HPSE2: variants seen among roughly 807,000 people sequenced by gnomAD.
The protein encoded by HPSE2 is heparanase 2 (inactive).
In HPSE2, 38 loss-of-function variants were observed where a neutral mutation model predicts 60.5. That is an observed-to-expected ratio of 0.63 (90% CI 0.48 to 0.82). The LOEUF (loss-of-function observed/expected upper bound fraction) is 0.82, where lower values mean the gene tolerates loss of function less well. Among genes scored for constraint, HPSE2 ranks in the 40% least tolerant of loss-of-function variants. The pLI is 0.00. For synonymous variants in HPSE2, 295 were observed against 293.2 expected, an observed-to-expected ratio of 1.01 and a Z score of -0.06; for missense variants, 713 against 740.4, an observed-to-expected ratio of 0.96 and a Z score of 0.43.
chr10:98,870,567 G>A (rs1481840998), intron 3 of HPSE2, among the ~76,000 whole-genome samples: 1 of 152,108 alleles, frequency 6.6e-6, no homozygotes, highest in African/African-American at 2.4e-5. Flanking sequence ...TTGAAAACTG[G>A]ATAGGAAAGC....
At chr10:98,913,065 T>C (rs1003549673) in intron 3 of HPSE2, among the ~76,000 whole-genome samples, 2 of 152,164 alleles carry the variant, frequency 1.3e-5, no homozygotes, top group South Asian at 4.1e-4. Context: ...ATACCTGCTA[T>C]GTAGGCACAA....
chr10:98,922,494 G>A (rs1254349383), intron 3 of HPSE2, among the ~76,000 whole-genome samples: 1 of 152,134 alleles, frequency 6.6e-6, no homozygotes, highest in Non-Finnish European at 1.5e-5. Context: ...TAATGCATTG[G>A]AAGGTAACGC....
At position 98,943,259 on chromosome 10, in the gene HPSE2, A is replaced by T. The variant is rs139939444; in HGVS notation, c.611-199203T>A. Among the ~76,000 whole-genome samples, 454 of 151,608 alleles carry T rather than the reference A, an allele frequency of 3.0e-3. 4 individuals carry two copies. The highest frequency in any genetic ancestry group is 0.01 in the African/African-American group (432 of 41,458). ...TAATACAATAAAAAATTATAATAAA[A>T]AAATAAATAAATAAAAATAAAAATA... On this transcript the variant is annotated intron_variant, in intron 3 of 11. Transcript: ENST00000370552.
At chr10:98,983,728 A>T (rs949864750) in intron 3 of HPSE2, among the ~76,000 whole-genome samples, 6 of 152,168 alleles carry the variant, frequency 3.9e-5, no homozygotes, top group African/African-American at 1.4e-4. Flanking sequence ...GGGGTCAGGG[A>T]ATTCCCTTTC....
chr10:99,292,257 G>A, the HPSE2 span, among the ~76,000 whole-genome samples: 10 of 152,140 alleles, frequency 6.6e-5, no homozygotes, highest in Admixed American at 4.6e-4. Flanking sequence ...AAATAGTTGG[G>A]AAGTTGGCTG....
intron 3 of HPSE2, among the ~76,000 whole-genome samples, chr10:99,140,854 T>C (rs1225744264): frequency 6.6e-6 from 1 of 152,140 alleles, no homozygotes; most frequent in African/African-American, 2.4e-5. Context: ...CTGGCCAATA[T>C]GGTGAAACCC....
intron 3 of HPSE2, among the ~76,000 whole-genome samples, chr10:98,959,748 C>T (rs551125228): frequency 1.3e-4 from 20 of 152,040 alleles, no homozygotes; most frequent in African/African-American, 1.9e-4. Flanking sequence ...TGGAGGCCTT[C>T]ATCTATGTAG....
At chr10:98,682,441 C>T (rs571166041) in intron 6 of HPSE2, among the ~76,000 whole-genome samples, 1 of 152,142 alleles carries the variant, frequency 6.6e-6, no homozygotes, top group Non-Finnish European at 1.5e-5. Flanking sequence ...AAACATCATA[C>T]CATACCTTAA....
intron 3 of HPSE2, among the ~76,000 whole-genome samples, chr10:98,854,925 C>T (rs1035037505): frequency 6.6e-6 from 1 of 152,140 alleles, no homozygotes; most frequent in Non-Finnish European, 1.5e-5. Flanking sequence ...CAAATGTTAA[C>T]TCACTGGAGT....
chr10:99,153,174 G>C (rs1392013095), intron 2 of HPSE2, among the ~76,000 whole-genome samples: 2 of 150,838 alleles, frequency 1.3e-5, no homozygotes, highest in East Asian at 3.9e-4. Context: ...GAGGCTGGGG[G>C]AGGGGCGCCC....
rs545815025 is a variant in HPSE2 at position 98,519,540 on chromosome 10, G to C, written c.1321-29344C>G. The stretch of plus-strand genomic sequence containing the variant: ...AAGTGCATGTGCTGTGCTTAAAGAA[G>C]AGGTTTTATAATAACCACTGCCTTC... On this transcript the variant is annotated intron_variant, in intron 9 of 11. Transcript: ENST00000370552. 8.5e-5 allele frequency among the ~76,000 whole-genome samples: 13 copies of C among 152,366 alleles called. No individual in the cohort carries two copies. In the East Asian group the frequency reaches 2.5e-3, roughly 29 times the overall value.
intron 3 of HPSE2, among the ~76,000 whole-genome samples, chr10:98,898,209 C>T (rs1259309422): frequency 6.6e-6 from 1 of 152,108 alleles, no homozygotes; most frequent in Non-Finnish European, 1.5e-5. Context: ...CCTTACAATC[C>T]AACAATCACA....
intron 3 of HPSE2, among the ~76,000 whole-genome samples, chr10:98,868,365 T>TG (rs1952646433): frequency 6.6e-6 from 1 of 151,818 alleles, no homozygotes; most frequent in African/African-American, 2.4e-5. Context: ...GGAGGTGGTG[T>TG]GGGCAGCGGG....
intron 3 of HPSE2, among the ~76,000 whole-genome samples, chr10:99,120,541 T>G (rs1365812868): frequency 6.6e-6 from 1 of 152,196 alleles, no homozygotes; most frequent in South Asian, 2.1e-4. Flanking sequence ...TCGTGCGATC[T>G]TGGCTCACTG....
chr10:98,963,671 A>C (rs1457006667), intron 3 of HPSE2, among the ~76,000 whole-genome samples: 1 of 152,196 alleles, frequency 6.6e-6, no homozygotes, highest in East Asian at 1.9e-4. Context: ...GTCCCCTTCC[A>C]AACTTTTTCC....
At chr10:98,771,436 T>A (rs1336505) in intron 3 of HPSE2, among the ~76,000 whole-genome samples, 105,333 of 151,984 alleles carry the variant, frequency 0.69, 37,611 homozygotes, top group Non-Finnish European at 0.8. Context: ...ACCTGCCCTG[T>A]GTTGGAAAAC....
At chr10:99,258,207 G>A in the HPSE2 span, among the ~76,000 whole-genome samples, 22 of 151,646 alleles carry the variant, frequency 1.5e-4, no homozygotes, top group East Asian at 7.7e-4. Context: ...ATGTATTAGC[G>A]ACAAATAATA....
chr10:98,742,058 C>G (rs1949510494), intron 4 of HPSE2, among the ~76,000 whole-genome samples: 1 of 152,052 alleles, frequency 6.6e-6, no homozygotes, highest in Non-Finnish European at 1.5e-5. Flanking sequence ...AATACTTTTG[C>G]CTACTTCAAA....
chr10:99,008,516 C>T (rs2135392853), intron 3 of HPSE2, among the ~76,000 whole-genome samples: 2 of 152,274 alleles, frequency 1.3e-5, no homozygotes, highest in African/African-American at 4.8e-5. Flanking sequence ...AGGTAAACTC[C>T]AAGGCTCTAA....
Sources: gnomAD v4.1 joint callset for allele counts (sites outside exome capture counted in the v4.1 genomes callset) on GRCh38, gnomAD v4.1.1 for gene constraint, MANE v1.5 for transcripts, NCBI Gene and HGNC (gene_info 2026-07-23, HGNC 2026-07-21) for gene names.